EML6: variants seen among roughly 807,000 people sequenced by gnomAD.
EML6 encodes EMAP like 6.
A neutral mutation model predicts 240.1 loss-of-function variants in EML6; 154 were observed. That is an observed-to-expected ratio of 0.64 (90% CI 0.56 to 0.73). The LOEUF (loss-of-function observed/expected upper bound fraction) is 0.73. Among genes scored for constraint, EML6 ranks in the 30% least tolerant of loss-of-function variants. The pLI, the probability that EML6 is intolerant of heterozygous loss-of-function variation, is 0.00. For missense variants in EML6, 2,964 were observed against 2,474.6 expected, an observed-to-expected ratio of 1.20 and a Z score of -4.20; for synonymous variants, 1,148 against 899.0, an observed-to-expected ratio of 1.28 and a Z score of -4.95.
At position 54,844,149 on chromosome 2, in the gene EML6, T is replaced by C; in HGVS notation, c.950T>C (p.Met317Thr). ...EVIVRERDKPMLILQGHCEGE... is the reference protein window; with the variant it reads ...EVIVRERDKPTLILQGHCEGE... ...ATTGTGCGAGAGCGAGACAAGCCGA[T>C]GTTGATCCTACAGGGCCACTGCGAG... Residue 317 changes from methionine (M) to threonine (T), a missense_variant, in exon 8 of 42, where the codon ATG becomes ACG. Physicochemically the swap from Met to Thr is moderately conservative, Grantham distance 81. Transcript: ENST00000356458. 1.3e-6 allele frequency: 2 copies of C among 1,551,736 alleles called. No homozygotes were observed. The highest frequency in any genetic ancestry group is 1.7e-6 in the Non-Finnish European group (2 of 1,147,004).
At chr2:54,767,597 AGTGT>A (rs111232633) in intron 2 of EML6, among the ~76,000 whole-genome samples, 21,686 of 145,504 alleles carry the variant, frequency 0.15, 1,760 homozygotes, top group South Asian at 0.21. Context: ...TGGTATGAAG[AGTGT>A]GTGTGTGTGT....
At chr2:54,797,095 G>A (rs540437264) in intron 2 of EML6, among the ~76,000 whole-genome samples, 1 of 144,412 alleles carries the variant, frequency 6.9e-6, no homozygotes, top group Non-Finnish European at 1.5e-5. Flanking sequence ...AACCCAGGAG[G>A]CAGAGCTTGC....
chr2:54,799,589 C>T (rs867773011), intron 2 of EML6, among the ~76,000 whole-genome samples: 2 of 152,046 alleles, frequency 1.3e-5, no homozygotes, highest in Non-Finnish European at 2.9e-5. Context: ...GTGATTCACC[C>T]GCCTTGGCCT....
At chr2:54,914,407 A>G (rs1395996649) in intron 25 of EML6, among the ~76,000 whole-genome samples, 2 of 152,186 alleles carry the variant, frequency 1.3e-5, no homozygotes, top group Non-Finnish European at 2.9e-5. Context: ...AGTGCCCCCA[A>G]ATAAGTATAC....
rs746209598 is a variant in EML6, at chr2:54,910,946, C to A, written c.3410-8C>A. The A allele has an allele frequency of 1.1e-5, 17 of 1,498,170 alleles. No individual in the cohort carries two copies. Among genetic ancestry groups the A allele is most frequent in the Non-Finnish European group, 1.5e-5 (16 of 1,102,152 alleles). The allele number at this position is 1,498,170 out of a possible 1,614,324, so 92.8% of individuals were successfully genotyped here. A position where few individuals can be genotyped will look rare whatever the true frequency, so the allele number is the denominator to read the frequency against. ...TAATTATCTCTCTACTTCGTTCTGT[C>A]GTAACAGGAAAATTATTGCAAGTGA... On this transcript the variant is annotated splice_polypyrimidine_tract_variant and splice_region_variant and intron_variant, in intron 24 of 41. Transcript: ENST00000356458.
intron 7 of EML6, among the ~76,000 whole-genome samples, chr2:54,837,470 G>A (rs1669214538): frequency 6.6e-6 from 1 of 152,156 alleles, no homozygotes; most frequent in Admixed American, 6.5e-5. Flanking sequence ...GCACTCACGG[G>A]CACACGGCTT....
At chr2:54,906,968 C>G (rs1225437331) in intron 24 of EML6, among the ~76,000 whole-genome samples, 2 of 152,288 alleles carry the variant, frequency 1.3e-5, no homozygotes. Context: ...CAGCTGGCTT[C>G]TCAGGGTGGG....
chr2:54,863,712 T>G, intron 12 of EML6, 71 bp from the exon 13 acceptor site: 1 of 755,418 alleles, frequency 1.3e-6, no homozygotes, highest in East Asian at 2.7e-5. Context: ...AAAGGAAAAA[T>G]ATTTTAGATA....
At chr2:54,778,981 A>T (rs1668726437) in intron 2 of EML6, among the ~76,000 whole-genome samples, 1 of 152,158 alleles carries the variant, frequency 6.6e-6, no homozygotes, top group African/African-American at 2.4e-5. Context: ...CACTCTTTAC[A>T]ATTATGATAG....
chr2:54,809,317 A>G (rs1558567867), intron 2 of EML6, among the ~76,000 whole-genome samples: 1 of 152,240 alleles, frequency 6.6e-6, no homozygotes, highest in Non-Finnish European at 1.5e-5. Flanking sequence ...GATGACAAGA[A>G]GCCCAAGGTA....
chr2:54,940,887 T>C (rs1675394942), intron 28 of EML6, among the ~76,000 whole-genome samples: 1 of 152,244 alleles, frequency 6.6e-6, no homozygotes, highest in Non-Finnish European at 1.5e-5. Flanking sequence ...ATCAAGAAGA[T>C]TCTGTGTCAC....
chr2:54,768,303 A>T (rs902650223), intron 2 of EML6, among the ~76,000 whole-genome samples: 3 of 152,212 alleles, frequency 2.0e-5, no homozygotes, highest in African/African-American at 7.2e-5. Context: ...CAGAGAATCA[A>T]ACTGACTTTG....
At chr2:54,899,439 C>T (rs930841337) in intron 21 of EML6, among the ~76,000 whole-genome samples, 1 of 152,156 alleles carries the variant, frequency 6.6e-6, no homozygotes, top group East Asian at 1.9e-4. Context: ...GATTTAGCAT[C>T]GTGTAGGTCT....
intron 10 of EML6, among the ~76,000 whole-genome samples, chr2:54,852,991 C>T (rs1670172384): frequency 6.6e-6 from 1 of 152,178 alleles, no homozygotes; most frequent in Non-Finnish European, 1.5e-5. Flanking sequence ...GGATTATTTT[C>T]CCGCGTGAAT....
At chr2:54,949,392 C>G (rs921689044) in intron 29 of EML6, among the ~76,000 whole-genome samples, 7 of 152,204 alleles carry the variant, frequency 4.6e-5, no homozygotes, top group Non-Finnish European at 1.0e-4. Flanking sequence ...TTCATACAAT[C>G]TTCACACACA....
intron 17 of EML6, among the ~76,000 whole-genome samples, chr2:54,888,539 C>G (rs553452690): frequency 1.1e-3 from 171 of 152,284 alleles, no homozygotes; most frequent in African/African-American, 3.9e-3. Flanking sequence ...CCTCTGTATA[C>G]TGTGGCAACC....
At chr2:54,949,851 G>C (rs1243681067) in intron 29 of EML6, among the ~76,000 whole-genome samples, 1 of 152,234 alleles carries the variant, frequency 6.6e-6, no homozygotes, top group African/African-American at 2.4e-5. Context: ...AAGCCCCTGT[G>C]TTGTCATTCC....
Position 54,971,868 on chromosome 2 carries a change from C to A in EML6, c.*1773C>A, listed in dbSNP as rs770853606. 6.6e-6 allele frequency: 1 copy of A among 152,166 alleles called. No homozygotes were observed. The highest frequency in any genetic ancestry group is 2.4e-5 in the African/African-American group (1 of 41,418). 9.4% of individuals were successfully genotyped at this position (152,166 alleles called of 1,614,324 possible). On this transcript the variant is annotated 3_prime_UTR_variant, in exon 42 of 42. Coordinates refer to ENST00000356458, the MANE Select transcript of EML6 (RefSeq NM_001039753.4). ...GTGTCATGAAAAACTTATTTGTAAA[C>A]GTTTATATGGTATGATTTTGATTTT... is the stretch of plus-strand genomic sequence containing the variant.
At chr2:54,943,794 A>C (rs1283256385) in intron 28 of EML6, among the ~76,000 whole-genome samples, 1 of 152,266 alleles carries the variant, frequency 6.6e-6, no homozygotes, top group African/African-American at 2.4e-5. Flanking sequence ...AAATATTTCA[A>C]CATGTAATAT....
Sources: gnomAD v4.1 joint callset for allele counts (sites outside exome capture counted in the v4.1 genomes callset) on GRCh38, gnomAD v4.1.1 for gene constraint, MANE v1.5 for transcripts, NCBI Gene and HGNC (gene_info 2026-07-23, HGNC 2026-07-21) for gene names.